Variants in MTOR observed in about 807,000 individuals in gnomAD.
MTOR encodes the protein mechanistic target of rapamycin kinase, also known as serine/threonine-protein kinase mTOR.
A neutral mutation model predicts 319.8 loss-of-function variants in MTOR; 70 were observed. The ratio of observed to expected loss-of-function variants is 0.22; its 90% CI spans 0.18 to 0.27. The LOEUF (loss-of-function observed/expected upper bound fraction) is 0.27. MTOR is among the 10% of genes least tolerant of loss of function. The probability of loss-of-function intolerance (pLI) is 1.00; values close to 1 mark genes in which losing one functional copy is unlikely to be tolerated. For synonymous variants in MTOR, 1,183 were observed against 1,211.4 expected (o/e 0.98, Z 0.49); for missense variants, 1,890 against 3,274.4 (o/e 0.58, Z 10.32).
chr1:11,134,524 G>A, intron 36 of MTOR, 58 bp from the exon 37 acceptor site: 1 of 1,453,610 alleles, frequency 6.9e-7, no homozygotes, highest in Non-Finnish European at 9.7e-7. Context: ...TTCAGAGGAA[G>A]GGAGCTACCG....
rs1466342220 is a variant in MTOR, at chr1:11,246,197, A to G, written c.1225+1428T>C. On this transcript the variant is annotated intron_variant, in intron 8 of 57. Coordinates refer to ENST00000361445, the MANE Select transcript of MTOR (RefSeq NM_004958.4). ...AACCTTAAAAAAGAGAGCAACAACAATAACAAACACCCACATCAAAAGAAG... is the reference window on the plus strand; with the variant it reads ...AACCTTAAAAAAGAGAGCAACAACAGTAACAAACACCCACATCAAAAGAAG... Among the ~76,000 whole-genome samples, 4 of 152,240 alleles carry G rather than the reference A, an allele frequency of 2.6e-5. No homozygotes were observed. In the South Asian group the frequency reaches 8.3e-4, roughly 31 times the overall value.
At chr1:11,117,286 G>C (rs1169663890) in intron 49 of MTOR, among the ~76,000 whole-genome samples, 200 bp from the exon 50 acceptor site, 1 of 152,142 alleles carries the variant, frequency 6.6e-6, no homozygotes, top group Non-Finnish European at 1.5e-5. Context: ...TCAGCCTCCT[G>C]AGTAGCTGAG....
chr1:11,195,741 T>C (rs1404619211), intron 28 of MTOR: 1 of 152,650 alleles, frequency 6.6e-6, no homozygotes, highest in Non-Finnish European at 1.5e-5. Flanking sequence ...AAAACTGCCT[T>C]AAAATATTCA....
chr1:11,146,665 T>C lies in MTOR; in HGVS notation c.4686+11A>G. On this transcript the variant is annotated intron_variant, in intron 32 of 57. Transcript: ENST00000361445. ...CCTCACTGAGAGATCTGGGTGCATGTAGGTTTTTACCTGTTGTGCCAAGGA... is the reference window on the plus strand; with the variant it reads ...CCTCACTGAGAGATCTGGGTGCATGCAGGTTTTTACCTGTTGTGCCAAGGA... The C allele has an allele frequency of 8.1e-6, 13 of 1,608,102 alleles. No homozygotes were observed. The highest frequency in any genetic ancestry group is 1.1e-5 in the Non-Finnish European group (13 of 1,174,548).
chr1:11,183,761 T>C (rs888480535), intron 28 of MTOR, among the ~76,000 whole-genome samples: 10 of 152,134 alleles, frequency 6.6e-5, no homozygotes, highest in African/African-American at 2.4e-4. Context: ...TGAGCTTTTG[T>C]GTGTGGTGTG....
intron 28 of MTOR, among the ~76,000 whole-genome samples, chr1:11,172,146 GGGCAACA>G (rs1342338275): frequency 3.3e-5 from 5 of 150,920 alleles, no homozygotes; most frequent in Non-Finnish European, 5.9e-5. Flanking sequence ...GCAGGAAAGA[GGGCAACA>G]GGCTGGGCTC....
chr1:11,201,070 G>A (rs1405529588), intron 26 of MTOR, among the ~76,000 whole-genome samples: 4 of 151,646 alleles, frequency 2.6e-5, no homozygotes, highest in Admixed American at 2.0e-4. Context: ...TACAGTCGCT[G>A]GTCATCCTGG....
intron 30 of MTOR, among the ~76,000 whole-genome samples, chr1:11,152,138 A>T (rs1188951985): frequency 6.6e-6 from 1 of 152,210 alleles, no homozygotes; most frequent in Non-Finnish European, 1.5e-5. Context: ...TTTGTTACAA[A>T]AAATAATGCA....
chr1:11,189,377 G>A (rs915710172), intron 28 of MTOR: 9 of 633,582 alleles, frequency 1.4e-5, no homozygotes, highest in Admixed American at 8.9e-5. Flanking sequence ...AAAGCTATAG[G>A]CTACCCATTC....
intron 34 of MTOR, among the ~76,000 whole-genome samples, chr1:11,142,038 ATAAAAAAG>A (rs1047088418): frequency 6.6e-6 from 1 of 151,906 alleles, no homozygotes; most frequent in Non-Finnish European, 1.5e-5. Flanking sequence ...AAATAAAATA[ATAAAAAAG>A]TGAATTAATT....
At chr1:11,243,490 G>A (rs1330908355) in intron 8 of MTOR, among the ~76,000 whole-genome samples, 190 bp from the exon 9 acceptor site, 1 of 151,888 alleles carries the variant, frequency 6.6e-6, no homozygotes, top group Non-Finnish European at 1.5e-5. Context: ...CCAGGAGTTC[G>A]AAACAGCCTG....
At chr1:11,224,859 A>G (rs1646779301) in intron 19 of MTOR, among the ~76,000 whole-genome samples, 1 of 152,232 alleles carries the variant, frequency 6.6e-6, no homozygotes, top group African/African-American at 2.4e-5. Flanking sequence ...AAAATACTAC[A>G]TCACTACTGA....
At chr1:11,248,203 C>A (rs1649101142) in intron 6 of MTOR, 109 bp from the exon 7 acceptor site, 1 of 1,163,698 alleles carries the variant, frequency 8.6e-7, no homozygotes, top group Non-Finnish European at 1.2e-6. Context: ...AACGCAACTA[C>A]TTCCAAAGTG....
At chr1:11,218,720 G>A (rs1301919518) in intron 19 of MTOR, among the ~76,000 whole-genome samples, 1 of 152,140 alleles carries the variant, frequency 6.6e-6, no homozygotes, top group Non-Finnish European at 1.5e-5. Flanking sequence ...CCTCAATGCT[G>A]AGTAGAGAGC....
chr1:11,146,422 C>G lies in MTOR; in HGVS notation c.4686+254G>C, dbSNP rs114724544. Among the ~76,000 whole-genome samples, 2,807 of 152,192 alleles carry G rather than the reference C, an allele frequency of 0.018. 83 individuals are homozygous for G. The highest frequency in any genetic ancestry group is 0.065 in the African/African-American group (2,688 of 41,528). On this transcript the variant is annotated intron_variant, in intron 32 of 57. Coordinates refer to ENST00000361445, the MANE Select transcript of MTOR (RefSeq NM_004958.4). ...CTACAACAAGGGATACAATGATGAC[C>G]CAACAAGCTAACTCCAAAAGCAACC... is the stretch of plus-strand genomic sequence containing the variant.
intron 30 of MTOR, 63 bp from the exon 31 acceptor site, chr1:11,150,289 T>A: frequency 1.4e-6 from 2 of 1,425,966 alleles, no homozygotes; most frequent in Non-Finnish European, 1.9e-6. Flanking sequence ...AATCTTCCTC[T>A]CCTGCCCCTT....
rs1392537858 is a variant in MTOR, at chr1:11,134,381, T to C, written c.5216A>G (p.His1739Arg). The C allele has an allele frequency of 6.8e-6, 11 of 1,614,070 alleles. No homozygotes were observed. Among genetic ancestry groups the C allele is most frequent in the African/African-American group, 5.3e-5 (4 of 74,934 alleles). The change falls in exon 37 of 58, where the codon CAT becomes CGT. Residue 1739 changes from histidine to arginine, a missense_variant. Coordinates refer to ENST00000361445, the MANE Select transcript of MTOR (RefSeq NM_004958.4). ...CATGAGCTTGTGCAGTTCCTGCTTA[T>C]GCTGCTGGTCCTCAGTAGCGATGGC... ...QHAIATEDQQ[H>R]KQELHKLMAR...
Position 11,255,977 on chromosome 1 carries a change from G to A in MTOR, c.705+15C>T. On this transcript the variant is annotated intron_variant, in intron 5 of 57. Transcript: ENST00000361445. The stretch of plus-strand genomic sequence containing the variant: ...ATGTGCTTTGCTAGTGGTGGGAATG[G>A]AGCCATCTCCTTACCCTGTACCACT... 6.2e-7 allele frequency: 1 copy of A among 1,608,026 alleles called. No homozygotes were observed. The highest frequency in any genetic ancestry group is 8.5e-7 in the Non-Finnish European group (1 of 1,175,692).
intron 8 of MTOR, among the ~76,000 whole-genome samples, chr1:11,246,637 G>A (rs899583294): frequency 4.6e-5 from 7 of 152,204 alleles, no homozygotes; most frequent in Admixed American, 6.5e-5. Flanking sequence ...CTGTGTGCTA[G>A]GGAATAGGGT....
Sources: gnomAD v4.1 joint callset for allele counts (sites outside exome capture counted in the v4.1 genomes callset) on GRCh38, gnomAD v4.1.1 for gene constraint, MANE v1.5 for transcripts, NCBI Gene and HGNC (gene_info 2026-07-23, HGNC 2026-07-21) for gene names.